AOAH: variants seen among roughly 807,000 people sequenced by gnomAD.
AOAH encodes the protein acyloxyacyl hydrolase (neutrophil).
A neutral mutation model predicts 92.2 loss-of-function variants in AOAH; 64 were observed. The observed-to-expected ratio is 0.69, with a 90% CI of 0.57 to 0.86. The LOEUF is 0.86. Ranked by LOEUF, AOAH falls within the 40% of genes least tolerant of loss-of-function variation. AOAH has a pLI of 0.00. For synonymous variants in AOAH, 263 were observed against 254.5 expected (o/e 1.03, Z -0.32); for missense variants, 656 against 694.6 (o/e 0.94, Z 0.62).
At chr7:36,535,008 CTGTG>C (rs1562543123) in intron 16 of AOAH, among the ~76,000 whole-genome samples, 2 of 75,046 alleles carry the variant, frequency 2.7e-5, no homozygotes, top group Non-Finnish European at 5.3e-5. Context: ...TTGTGTGTAT[CTGTG>C]TGTGTCTGTG....
intron 13 of AOAH, 106 bp from the exon 14 acceptor site, chr7:36,549,581 G>A (rs187897689): frequency 2.4e-5 from 18 of 756,362 alleles, no homozygotes; most frequent in African/African-American, 1.6e-4. Context: ...ATTACTGTTC[G>A]GGCAAAGGTT....
intron 5 of AOAH, among the ~76,000 whole-genome samples, chr7:36,634,749 C>A (rs1793402423): frequency 6.6e-6 from 1 of 152,166 alleles, no homozygotes; most frequent in Non-Finnish European, 1.5e-5. Context: ...GTCTGAAGGC[C>A]TTGGTCTAAT....
intron 13 of AOAH, among the ~76,000 whole-genome samples, chr7:36,567,103 T>A (rs111908392): frequency 1.3e-5 from 2 of 152,292 alleles, no homozygotes; most frequent in Non-Finnish European, 2.9e-5. Flanking sequence ...TGAGCCACCG[T>A]GCCTGGCCAC....
intron 3 of AOAH, among the ~76,000 whole-genome samples, chr7:36,668,242 C>T (rs1331080073): frequency 1.3e-5 from 2 of 152,122 alleles, no homozygotes; most frequent in Admixed American, 1.3e-4. Flanking sequence ...ATCAGTTGAA[C>T]TCTTGGAGGT....
intron 1 of AOAH, among the ~76,000 whole-genome samples, chr7:36,714,204 C>G (rs558137191): frequency 6.6e-6 from 1 of 152,146 alleles, no homozygotes; most frequent in South Asian, 2.1e-4. Context: ...AACACCTCTA[C>G]GCAAATAAAC....
chr7:36,558,669 C>G (rs1004452499), intron 13 of AOAH, among the ~76,000 whole-genome samples: 9 of 152,266 alleles, frequency 5.9e-5, no homozygotes, highest in South Asian at 2.1e-4. Flanking sequence ...CTAAGCAAGC[C>G]TGGGCAATGG....
chr7:36,589,161 G>A (rs1227391957), intron 12 of AOAH, among the ~76,000 whole-genome samples: 1 of 152,114 alleles, frequency 6.6e-6, no homozygotes, highest in African/African-American at 2.4e-5. Flanking sequence ...AGAATAAGGG[G>A]ATACGAACGG....
intron 12 of AOAH, among the ~76,000 whole-genome samples, chr7:36,579,727 C>T (rs1788800496): frequency 6.6e-6 from 1 of 152,208 alleles, no homozygotes; most frequent in African/African-American, 2.4e-5. Flanking sequence ...TTTTTTCTGC[C>T]TGGTTATATT....
At chr7:36,635,993 GTTTGATC>G (rs1450860247) in intron 5 of AOAH, among the ~76,000 whole-genome samples, 2 of 152,204 alleles carry the variant, frequency 1.3e-5, no homozygotes, top group African/African-American at 4.8e-5. Flanking sequence ...TATCTGGAAT[GTTTGATC>G]TCCTTCAATA....
intron 12 of AOAH, among the ~76,000 whole-genome samples, chr7:36,586,240 A>T (rs1035234078): frequency 2.0e-5 from 3 of 152,134 alleles, no homozygotes; most frequent in African/African-American, 7.2e-5. Context: ...ATTTCTCTGA[A>T]GCAAAACCCA....
intron 20 of AOAH, among the ~76,000 whole-genome samples, chr7:36,521,004 T>C (rs1433275968): frequency 6.6e-6 from 1 of 152,202 alleles, no homozygotes; most frequent in Non-Finnish European, 1.5e-5. Context: ...CATCCTTCTA[T>C]TCTTGTTCCT....
chr7:36,577,006 C>A (rs906903604), intron 12 of AOAH, among the ~76,000 whole-genome samples: 9 of 151,726 alleles, frequency 5.9e-5, no homozygotes, highest in South Asian at 2.1e-4. Flanking sequence ...TTATTTTGAA[C>A]CTGATCATGT....
intron 1 of AOAH, among the ~76,000 whole-genome samples, chr7:36,707,822 A>G (rs757261845): frequency 1.5e-5 from 2 of 133,038 alleles, no homozygotes; most frequent in Non-Finnish European, 3.2e-5. Context: ...TTGGATCTGT[A>G]GGCTAATGTT....
At chr7:36,715,257 C>A (rs1799061486) in intron 1 of AOAH, among the ~76,000 whole-genome samples, 1 of 152,134 alleles carries the variant, frequency 6.6e-6, no homozygotes, top group Non-Finnish European at 1.5e-5. Flanking sequence ...CCTAGGAATA[C>A]AACTTACAAG....
intron 2 of AOAH, among the ~76,000 whole-genome samples, chr7:36,684,455 T>C (rs1277561761): frequency 6.6e-6 from 1 of 152,184 alleles, no homozygotes; most frequent in Non-Finnish European, 1.5e-5. Flanking sequence ...CTTTCCTAGA[T>C]GCCTTTCCAC....
intron 12 of AOAH, among the ~76,000 whole-genome samples, chr7:36,584,775 C>T (rs1011586551): frequency 1.3e-5 from 2 of 152,114 alleles, no homozygotes; most frequent in African/African-American, 4.8e-5. Context: ...TTGCCTATTT[C>T]CCCCAAAATG....
chr7:36,601,129 G>A (rs768562228), intron 11 of AOAH, among the ~76,000 whole-genome samples: 1 of 152,184 alleles, frequency 6.6e-6, no homozygotes, highest in African/African-American at 2.4e-5. Context: ...AGAATAGAGA[G>A]AGGATATATC....
At chr7:36,618,428 A>G in intron 9 of AOAH, 83 bp from the exon 10 acceptor site, 1 of 1,274,486 alleles carries the variant, frequency 7.8e-7, no homozygotes, top group East Asian at 2.3e-5. Flanking sequence ...AATGGCTTTA[A>G]AAGCACAAAG....
chr7:36,622,180 C>T (rs147538013), intron 7 of AOAH, among the ~76,000 whole-genome samples: 12 of 152,168 alleles, frequency 7.9e-5, no homozygotes, highest in African/African-American at 2.6e-4. Context: ...CATGTACACA[C>T]GTGTGTTTGT....
Sources: allele counts gnomAD v4.1 joint callset (sites outside exome capture counted in the v4.1 genomes callset), GRCh38; gene constraint gnomAD v4.1.1; transcripts MANE v1.5; gene names NCBI Gene and HGNC (gene_info 2026-07-23, HGNC 2026-07-21).